The following PDE4B variants were observed in gnomAD, a reference collection of about 807,000 sequenced individuals.
PDE4B encodes the protein phosphodiesterase 4B, also known as 3',5'-cyclic-AMP phosphodiesterase 4B.
In PDE4B, 20 loss-of-function variants were observed where a neutral mutation model predicts 82.2. The ratio of observed to expected loss-of-function variants is 0.24; its 90% CI spans 0.17 to 0.35. The LOEUF is 0.35. PDE4B is among the 10% of genes least tolerant of loss of function. The pLI is 1.00. For missense variants in PDE4B, 655 were observed against 907.2 expected (o/e 0.72, Z 3.57); for synonymous variants, 320 against 318.9 (o/e 1.00, Z -0.04).
chr1:66,134,572 C>A (rs1341273335), intron 3 of PDE4B, among the ~76,000 whole-genome samples: 1 of 152,158 alleles, frequency 6.6e-6, no homozygotes. Context: ...ACTTGGGAAG[C>A]ATAGGTACAC....
At chr1:66,370,151 A>AG (rs1663583016) in intron 16 of PDE4B, among the ~76,000 whole-genome samples, 2 of 99,110 alleles carry the variant, frequency 2.0e-5, no homozygotes, top group Admixed American at 1.9e-4. Context: ...ACTCTATCTC[A>AG]AAAAAAAAAA....
intron 3 of PDE4B, among the ~76,000 whole-genome samples, chr1:66,078,525 T>G (rs753941655): frequency 4.7e-4 from 72 of 152,094 alleles, no homozygotes; most frequent in Non-Finnish European, 8.5e-4. Flanking sequence ...CCTCTTTCTT[T>G]AATCACCATG....
chr1:66,278,079 T>C (rs1269943535), intron 7 of PDE4B, among the ~76,000 whole-genome samples: 1 of 152,216 alleles, frequency 6.6e-6, no homozygotes, highest in Admixed American at 6.5e-5. Flanking sequence ...AACTGCCTAT[T>C]TTCTTGACTG....
intron 3 of PDE4B, among the ~76,000 whole-genome samples, chr1:66,129,698 A>C (rs112563558): frequency 1.8e-4 from 6 of 32,468 alleles, no homozygotes; most frequent in African/African-American, 3.1e-4. Flanking sequence ...ACAAAAAAAC[A>C]AAAAAAAAAA....
chr1:65,816,078 G>C (rs569168199), intron 1 of PDE4B, among the ~76,000 whole-genome samples: 82 of 152,114 alleles, frequency 5.4e-4, no homozygotes, highest in African/African-American at 2.0e-3. Context: ...ATCTTGGAAG[G>C]TCCAAGTGTT....
At chr1:66,253,568 C>A (rs1653953736) in intron 4 of PDE4B, among the ~76,000 whole-genome samples, 1 of 152,184 alleles carries the variant, frequency 6.6e-6, no homozygotes, top group Non-Finnish European at 1.5e-5. Flanking sequence ...GCATTGCCTT[C>A]TCCAGGGGTT....
intron 3 of PDE4B, among the ~76,000 whole-genome samples, chr1:66,223,706 C>A (rs1651193461): frequency 6.6e-6 from 1 of 151,904 alleles, no homozygotes; most frequent in Non-Finnish European, 1.5e-5. Context: ...ACATTCAATG[C>A]ACTGCAGTGC....
intron 13 of PDE4B, among the ~76,000 whole-genome samples, chr1:66,366,038 T>C (rs766779334): frequency 3.3e-5 from 5 of 152,066 alleles, no homozygotes; most frequent in African/African-American, 4.8e-5. Context: ...GAATAATAGA[T>C]ATGGAATTAT....
chr1:66,333,146 A>G (rs1175458293), intron 8 of PDE4B, among the ~76,000 whole-genome samples: 2 of 152,212 alleles, frequency 1.3e-5, no homozygotes, highest in Non-Finnish European at 2.9e-5. Flanking sequence ...TGCTGGCATG[A>G]CCTAAGATAA....
intron 3 of PDE4B, among the ~76,000 whole-genome samples, chr1:66,221,635 C>T (rs1650997162): frequency 6.6e-6 from 1 of 152,114 alleles, no homozygotes; most frequent in Admixed American, 6.6e-5. Flanking sequence ...ATATTCAAAA[C>T]CAAGTGTCCT....
chr1:66,291,969 G>A (rs866883854), intron 7 of PDE4B, among the ~76,000 whole-genome samples: 2 of 152,170 alleles, frequency 1.3e-5, no homozygotes, highest in Middle Eastern at 3.4e-3. Context: ...ATATGGATTT[G>A]CATGGAGCCA....
At chr1:66,330,778 A>G in intron 7 of PDE4B, 5 of 985,358 alleles carry the variant, frequency 5.1e-6, no homozygotes, top group Non-Finnish European at 6.0e-6. Flanking sequence ...ACTAGAGAGT[A>G]AGTCAGAGAA....
intron 1 of PDE4B, among the ~76,000 whole-genome samples, chr1:65,831,920 A>G (rs1233560125): frequency 1.3e-5 from 2 of 152,194 alleles, no homozygotes; most frequent in Non-Finnish European, 2.9e-5. Context: ...GTATGTTAGA[A>G]CATATATCGG....
At chr1:66,196,257 C>A (rs919919915) in intron 3 of PDE4B, among the ~76,000 whole-genome samples, 1 of 152,202 alleles carries the variant, frequency 6.6e-6, no homozygotes, top group African/African-American at 2.4e-5. Flanking sequence ...GTGCCACAAA[C>A]TAGAAAACCC....
chr1:66,157,269 C>G (rs1352244299), intron 3 of PDE4B, among the ~76,000 whole-genome samples: 1 of 152,194 alleles, frequency 6.6e-6, no homozygotes, highest in East Asian at 1.9e-4. Flanking sequence ...ACCTACACCT[C>G]TGCCAACCTA....
At chr1:66,038,822 T>C (rs1009203572) in intron 3 of PDE4B, among the ~76,000 whole-genome samples, 8 of 152,114 alleles carry the variant, frequency 5.3e-5, no homozygotes, top group African/African-American at 1.9e-4. Context: ...TAAGCAGTCA[T>C]TGAGTAATAA....
At chr1:66,328,979 G>C (rs776471878) in intron 7 of PDE4B, among the ~76,000 whole-genome samples, 21 of 152,200 alleles carry the variant, frequency 1.4e-4, no homozygotes, top group Non-Finnish European at 2.9e-4. Context: ...GGGGTTGTCT[G>C]CTGTGGATAG....
At chr1:65,999,183 G>T (rs1330037475) in intron 3 of PDE4B, among the ~76,000 whole-genome samples, 1 of 152,082 alleles carries the variant, frequency 6.6e-6, no homozygotes, top group Admixed American at 6.6e-5. Context: ...TCCCACTTGC[G>T]TTCTCTTTCC....
chr1:65,885,321 G>A (rs1008634770), intron 1 of PDE4B, among the ~76,000 whole-genome samples: 9 of 152,162 alleles, frequency 5.9e-5, no homozygotes, highest in Non-Finnish European at 1.2e-4. Context: ...CAAGTATCTA[G>A]AACTAGAAAT....
Sources: allele counts gnomAD v4.1 joint callset (sites outside exome capture counted in the v4.1 genomes callset), GRCh38; gene constraint gnomAD v4.1.1; transcripts MANE v1.5; gene names NCBI Gene and HGNC (gene_info 2026-07-23, HGNC 2026-07-21).